CEMIP: variants seen among roughly 807,000 people sequenced by gnomAD.
The protein encoded by CEMIP is cell migration-inducing and hyaluronan-binding protein.
A neutral mutation model predicts 156.9 loss-of-function variants in CEMIP; 105 were observed. The ratio of observed to expected loss-of-function variants is 0.67; its 90% CI spans 0.57 to 0.79. The LOEUF (loss-of-function observed/expected upper bound fraction) is 0.79. CEMIP is among the 30% of genes least tolerant of loss of function. The probability of loss-of-function intolerance (pLI) is 0.00; values close to 1 mark genes in which losing one functional copy is unlikely to be tolerated. For missense variants in CEMIP, 1,457 were observed against 1,769.4 expected (o/e 0.82, Z 3.17); for synonymous variants, 676 against 668.4 (o/e 1.01, Z -0.17).
intron 6 of CEMIP, among the ~76,000 whole-genome samples, chr15:80,882,485 C>T (rs1340880346): frequency 6.6e-6 from 1 of 152,212 alleles, no homozygotes; most frequent in African/African-American, 2.4e-5. Context: ...CAGGGAGCCC[C>T]TGCCTTCACA....
intron 21 of CEMIP, 109 bp from the exon 22 acceptor site, chr15:80,931,750 C>A: frequency 9.3e-7 from 1 of 1,075,578 alleles, no homozygotes; most frequent in Non-Finnish European, 1.4e-6. Context: ...TCTCTGCTAC[C>A]ATCCACCTCA....
intron 4 of CEMIP, 22 bp from the exon 5 acceptor site, chr15:80,879,694 C>T (rs1442087565): frequency 3.1e-6 from 5 of 1,613,872 alleles, no homozygotes; most frequent in Non-Finnish European, 2.5e-6. Context: ...TATTAAACCT[C>T]CCCCCAATGC....
At chr15:80,877,142 A>G (rs1407203625) in intron 3 of CEMIP, among the ~76,000 whole-genome samples, 1 of 152,160 alleles carries the variant, frequency 6.6e-6, no homozygotes, top group African/African-American at 2.4e-5. Context: ...AACCACCCCC[A>G]TGATTCAATT....
chr15:80,851,800 T>C (rs1897722492), intron 1 of CEMIP, among the ~76,000 whole-genome samples: 2 of 151,982 alleles, frequency 1.3e-5, no homozygotes, highest in African/African-American at 4.8e-5. Flanking sequence ...TGAGTAGATA[T>C]CTAGGGGCCA....
intron 3 of CEMIP, among the ~76,000 whole-genome samples, 181 bp downstream of exon 3, chr15:80,874,154 G>C (rs576624826): frequency 6.6e-6 from 1 of 152,356 alleles, no homozygotes; most frequent in South Asian, 2.1e-4. Flanking sequence ...CTGGGCTTCA[G>C]TTTCATCATC....
At chr15:80,786,477 C>T (rs1045070533) in intron 1 of CEMIP, among the ~76,000 whole-genome samples, 2 of 152,174 alleles carry the variant, frequency 1.3e-5, no homozygotes, top group Non-Finnish European at 2.9e-5. Flanking sequence ...CTGCCCACCA[C>T]TGCCTCCCAA....
chr15:80,855,513 C>A (rs767270829), intron 1 of CEMIP, among the ~76,000 whole-genome samples: 78 of 149,964 alleles, frequency 5.2e-4, no homozygotes, highest in South Asian at 1.9e-3. Flanking sequence ...TTTTCTTTTT[C>A]TTTTTTTTCT....
chr15:80,934,413 T>A (rs1901038476), intron 23 of CEMIP, among the ~76,000 whole-genome samples: 1 of 152,194 alleles, frequency 6.6e-6, no homozygotes, highest in Non-Finnish European at 1.5e-5. Flanking sequence ...GGGCAGAACT[T>A]AAAATATTAG....
At chr15:80,840,538 G>A (rs1232493090) in intron 1 of CEMIP, among the ~76,000 whole-genome samples, 1 of 152,184 alleles carries the variant, frequency 6.6e-6, no homozygotes, top group East Asian at 1.9e-4. Flanking sequence ...CTGCCTGGTG[G>A]TTCTGAAATG....
intron 21 of CEMIP, among the ~76,000 whole-genome samples, chr15:80,929,608 G>A (rs1358433758): frequency 6.6e-6 from 1 of 152,170 alleles, no homozygotes; most frequent in Admixed American, 6.5e-5. Context: ...GTCACATGCA[G>A]GTTGGGGTCT....
chr15:80,942,435 A>T (rs1901379920), intron 27 of CEMIP, 98 bp downstream of exon 27: 2 of 1,021,472 alleles, frequency 2.0e-6, no homozygotes, highest in African/African-American at 3.2e-5. Flanking sequence ...ACTGGGAGCA[A>T]GGTGTTGGCA....
At chr15:80,842,156 C>T (rs1021878012) in intron 1 of CEMIP, 22 of 493,754 alleles carry the variant, frequency 4.5e-5, no homozygotes, top group Non-Finnish European at 2.0e-5. Context: ...ACCATTTGTA[C>T]GTGTATTATA....
chr15:80,783,043 T>C (rs1003339064), intron 1 of CEMIP, among the ~76,000 whole-genome samples: 6 of 152,178 alleles, frequency 3.9e-5, no homozygotes, highest in Non-Finnish European at 7.4e-5. Context: ...AGTATCTGAG[T>C]CCTCAGGACA....
At chr15:80,937,030 A>G in intron 24 of CEMIP, 145 bp downstream of exon 24, 3 of 811,144 alleles carry the variant, frequency 3.7e-6, no homozygotes, top group Admixed American at 4.0e-5. Context: ...ATCACCCAGG[A>G]GTTAAGAATT....
chr15:80,826,945 G>A (rs1897050842), intron 1 of CEMIP, among the ~76,000 whole-genome samples: 1 of 152,136 alleles, frequency 6.6e-6, no homozygotes, highest in African/African-American at 2.4e-5. Context: ...AACATTTTAT[G>A]GGTGAGGAAA....
intron 1 of CEMIP, among the ~76,000 whole-genome samples, chr15:80,858,245 C>T (rs906274764): frequency 6.6e-6 from 1 of 152,142 alleles, no homozygotes; most frequent in African/African-American, 2.4e-5. Flanking sequence ...AAATAGTCGT[C>T]AACCTTAGTG....
At position 80,848,199 on chromosome 15, in the gene CEMIP, C is replaced by T. The variant is rs75808689; in HGVS notation, c.-175-25339C>T. Among the ~76,000 whole-genome samples, 472 of 152,300 alleles carry T rather than the reference C, an allele frequency of 3.1e-3. 4 individuals carry two copies. Among genetic ancestry groups the T allele is most frequent in the African/African-American group, 0.011 (444 of 41,560 alleles). ...CTGAGGTCTGGAAGGGCTGAGGTAG[C>T]GTATTCTTATTCTGGCCTCCACAAG... On this transcript the variant is annotated intron_variant, in intron 1 of 29. Transcript: ENST00000394685.
intron 23 of CEMIP, among the ~76,000 whole-genome samples, chr15:80,934,022 G>GT (rs571857287): frequency 1.3e-5 from 2 of 151,164 alleles, no homozygotes; most frequent in African/African-American, 4.9e-5. Flanking sequence ...AACACTTCTT[G>GT]TTTTTTTTCT....
chr15:80,883,467 C>T lies in CEMIP; in HGVS notation c.618-708C>T, dbSNP rs538512245. Among the ~76,000 whole-genome samples the T allele has an allele frequency of 1.1e-3, 164 of 149,174 alleles. 1 individual carries two copies. The highest frequency in any genetic ancestry group is 2.0e-3 in the Non-Finnish European group (132 of 67,134). Reference sequence around the variant, plus strand: ...GTAGATCTCAAGGTAAGTGTTCTTACCACAATAAAGTAAAATAATTTTTAA... The same window carrying T: ...GTAGATCTCAAGGTAAGTGTTCTTATCACAATAAAGTAAAATAATTTTTAA... On this transcript the variant is annotated intron_variant, in intron 6 of 29. Transcript: ENST00000394685.
Sources: gnomAD v4.1 joint callset for allele counts (sites outside exome capture counted in the v4.1 genomes callset) on GRCh38, gnomAD v4.1.1 for gene constraint, MANE v1.5 for transcripts, NCBI Gene and HGNC (gene_info 2026-07-23, HGNC 2026-07-21) for gene names.